The following ADGRL3 variants were observed in gnomAD, a reference collection of about 807,000 sequenced individuals.
ADGRL3 encodes calcium-independent alpha-latrotoxin receptor 3.
A neutral mutation model predicts 153.5 loss-of-function variants in ADGRL3; 62 were observed. The ratio of observed to expected loss-of-function variants is 0.40; its 90% CI spans 0.33 to 0.50. The LOEUF (loss-of-function observed/expected upper bound fraction) is 0.50, where lower values mean the gene tolerates loss of function less well. ADGRL3 is among the 20% of genes least tolerant of loss of function. The pLI, the probability that ADGRL3 is intolerant of heterozygous loss-of-function variation, is 0.47. For synonymous variants in ADGRL3, 710 were observed against 672.5 expected, an observed-to-expected ratio of 1.06 and a Z score of -0.86; for missense variants, 1,641 against 1,859.4, an observed-to-expected ratio of 0.88 and a Z score of 2.16.
At chr4:61,404,651 A>G (rs1377938514) in intron 2 of ADGRL3, among the ~76,000 whole-genome samples, 1 of 152,052 alleles carries the variant, frequency 6.6e-6, no homozygotes. Context: ...AAAAATTACC[A>G]CCCTGAATAA....
At chr4:61,671,432 G>A (rs527471264) in intron 5 of ADGRL3, among the ~76,000 whole-genome samples, 1 of 152,220 alleles carries the variant, frequency 6.6e-6, no homozygotes, top group South Asian at 2.1e-4. Flanking sequence ...AGTGCTAATA[G>A]CTAATAGAAC....
intron 25 of ADGRL3, among the ~76,000 whole-genome samples, chr4:62,064,853 C>T (rs1742145016): frequency 6.6e-6 from 1 of 152,120 alleles, no homozygotes; most frequent in East Asian, 1.9e-4. Context: ...TACATTATTT[C>T]AGAAACACCA....
At chr4:61,470,755 AATGAAGTTG>A (rs1434780562) in intron 2 of ADGRL3, among the ~76,000 whole-genome samples, 1 of 151,920 alleles carries the variant, frequency 6.6e-6, no homozygotes, top group Non-Finnish European at 1.5e-5. Flanking sequence ...TGACATTTAA[AATGAAGTTG>A]ATAAGGGAGG....
chr4:61,947,832 T>A (rs1489485145), intron 16 of ADGRL3, among the ~76,000 whole-genome samples: 14 of 152,244 alleles, frequency 9.2e-5, no homozygotes, highest in Non-Finnish European at 1.8e-4. Context: ...TGTATTAGAA[T>A]TAGTGTGATT....
At chr4:62,050,238 T>G (rs1733378123) in intron 25 of ADGRL3, among the ~76,000 whole-genome samples, 1 of 152,102 alleles carries the variant, frequency 6.6e-6, no homozygotes, top group Non-Finnish European at 1.5e-5. Flanking sequence ...TTATTTGTAT[T>G]TCCCACTTTT....
intron 2 of ADGRL3, among the ~76,000 whole-genome samples, chr4:61,485,512 T>C (rs2098181004): frequency 6.6e-6 from 1 of 152,162 alleles, no homozygotes; most frequent in African/African-American, 2.4e-5. Flanking sequence ...AAACTCAAAT[T>C]GTCTATGTGA....
rs200869393 is a variant in ADGRL3 at position 61,523,559 on chromosome 4, A to AGG, written c.259+6043_259+6044dup. The stretch of plus-strand genomic sequence containing the variant: ...CTGTTCAGAATTCTTATGTGCATCT[A>AGG]GGGTCAGTCATATTCTTATTTTATG... On this transcript the variant is annotated intron_variant, in intron 4 of 26. Transcript: ENST00000683033. Among the ~76,000 whole-genome samples the AGG allele has an allele frequency of 6.6e-5, 10 of 152,218 alleles. No individual in the cohort carries two copies. In the East Asian group the frequency reaches 1.2e-3, roughly 18 times the overall value.
chr4:61,911,424 A>G (rs1202629911), intron 12 of ADGRL3, among the ~76,000 whole-genome samples: 2 of 152,148 alleles, frequency 1.3e-5, no homozygotes, highest in Admixed American at 6.6e-5. Flanking sequence ...AGTTGTTTAT[A>G]TAATGTGGTT....
At chr4:61,239,291 T>C (rs998334969) in intron 1 of ADGRL3, among the ~76,000 whole-genome samples, 1 of 152,096 alleles carries the variant, frequency 6.6e-6, no homozygotes, top group African/African-American at 2.4e-5. Flanking sequence ...GGGGTGATAT[T>C]TTATAGAGAT....
chr4:61,591,726 G>A (rs1443871741), intron 5 of ADGRL3, among the ~76,000 whole-genome samples: 1 of 151,734 alleles, frequency 6.6e-6, no homozygotes, highest in African/African-American at 2.4e-5. Context: ...TCTAAGTTTT[G>A]TTTTAGACTC....
chr4:61,716,705 C>T (rs929578717), intron 6 of ADGRL3, among the ~76,000 whole-genome samples: 2 of 152,030 alleles, frequency 1.3e-5, no homozygotes, highest in Admixed American at 6.6e-5. Context: ...TTCACTAAAC[C>T]GAGGGAGAAG....
chr4:61,910,699 A>G (rs1412247347), intron 12 of ADGRL3, among the ~76,000 whole-genome samples: 1 of 151,650 alleles, frequency 6.6e-6, no homozygotes, highest in Non-Finnish European at 1.5e-5. Context: ...TTGCCAGACT[A>G]ATATTCCTGT....
chr4:61,655,352 G>T (rs1049767751), intron 5 of ADGRL3, among the ~76,000 whole-genome samples: 3 of 152,016 alleles, frequency 2.0e-5, no homozygotes, highest in Admixed American at 1.3e-4. Flanking sequence ...GATGCAATTT[G>T]AAAATTATAC....
chr4:61,332,600 T>C (rs2095595769), intron 1 of ADGRL3, among the ~76,000 whole-genome samples: 1 of 152,166 alleles, frequency 6.6e-6, no homozygotes, highest in African/African-American at 2.4e-5. Flanking sequence ...TTATAGTGTG[T>C]TTTCTCGTGA....
At chr4:61,621,240 A>C (rs1370772876) in intron 5 of ADGRL3, among the ~76,000 whole-genome samples, 1 of 151,974 alleles carries the variant, frequency 6.6e-6, no homozygotes, top group South Asian at 2.1e-4. Flanking sequence ...TCAATTATAT[A>C]GTTTATTTTA....
At chr4:61,250,517 A>G (rs1045572387) in intron 1 of ADGRL3, among the ~76,000 whole-genome samples, 37 of 152,124 alleles carry the variant, frequency 2.4e-4, no homozygotes, top group Middle Eastern at 3.2e-3. Flanking sequence ...AGCTCCTATA[A>G]TCTATACCAT....
In ADGRL3 at chr4:61,977,260, T is replaced by C. The variant is rs373452293; in HGVS notation, c.2806-2303T>C. On this transcript the variant is annotated intron_variant, in intron 17 of 26. Transcript: ENST00000683033. ...GGTGTTTCAGGTCTTTTGGATACAT[T>C]TGAGATGGTGTTATACCTGCCATTT... is the stretch of plus-strand genomic sequence containing the variant. 5.1e-4 allele frequency among the ~76,000 whole-genome samples: 77 copies of C among 152,054 alleles called. 1 individual carries two copies. In the South Asian group the frequency reaches 0.016, roughly 32 times the overall value.
intron 5 of ADGRL3, among the ~76,000 whole-genome samples, chr4:61,599,242 T>C (rs2099001139): frequency 6.6e-6 from 1 of 152,228 alleles, no homozygotes; most frequent in African/African-American, 2.4e-5. Context: ...TCTAGATTCT[T>C]CTTGGCCTCT....
At chr4:61,548,422 T>C (rs1428832042) in intron 4 of ADGRL3, among the ~76,000 whole-genome samples, 2 of 152,140 alleles carry the variant, frequency 1.3e-5, no homozygotes, top group African/African-American at 4.8e-5. Flanking sequence ...AGGTTTTACA[T>C]TTGAGCCTTT....
Sources: gnomAD v4.1 joint callset for allele counts (sites outside exome capture counted in the v4.1 genomes callset) on GRCh38, gnomAD v4.1.1 for gene constraint, MANE v1.5 for transcripts, NCBI Gene and HGNC (gene_info 2026-07-23, HGNC 2026-07-21) for gene names.